MRPL39: variants seen among roughly 807,000 people sequenced by gnomAD.
MRPL39 encodes the protein mitochondrial ribosomal protein L39.
In MRPL39, 35 loss-of-function variants were observed where a neutral mutation model predicts 44.5. The observed-to-expected ratio is 0.79, with a 90% CI of 0.60 to 1.04. The LOEUF (loss-of-function observed/expected upper bound fraction) is 1.04. Ranked by LOEUF, MRPL39 falls within the 50% of genes least tolerant of loss-of-function variation. MRPL39 has a pLI of 0.00. For synonymous variants in MRPL39, 139 were observed against 136.1 expected, an observed-to-expected ratio of 1.02 and a Z score of -0.15; for missense variants, 433 against 413.5, an observed-to-expected ratio of 1.05 and a Z score of -0.41.
intron 6 of MRPL39, among the ~76,000 whole-genome samples, chr21:25,596,100 A>ATT (rs879512644): frequency 2.8e-5 from 4 of 144,754 alleles, no homozygotes; most frequent in Non-Finnish European, 3.1e-5. Flanking sequence ...ATGAGTAAAA[A>ATT]TTTTTTTTTT....
chr21:25,596,129 C>G (rs56026728), intron 6 of MRPL39, among the ~76,000 whole-genome samples: 11,493 of 150,870 alleles, frequency 0.076, 1,072 homozygotes, highest in African/African-American at 0.21. Context: ...GACGGAGTCT[C>G]GCTCTTTCGC....
chr21:25,607,518 C>G (rs753499545), upstream of MRPL39: 1 of 1,597,432 alleles, frequency 6.3e-7, no homozygotes, highest in South Asian at 1.1e-5. Flanking sequence ...TCTCCGCCCT[C>G]CTCCCCCGGA....
intron 8 of MRPL39, among the ~76,000 whole-genome samples, chr21:25,592,087 C>T (rs1226944589): frequency 6.6e-6 from 1 of 152,080 alleles, no homozygotes; most frequent in African/African-American, 2.4e-5. Context: ...CCGTTTGATC[C>T]CATTCATACA....
Position 25,606,494 on chromosome 21 carries a change from A to C in MRPL39, c.235T>G (p.Phe79Val), listed in dbSNP as rs146812610. The C allele has an allele frequency of 5.6e-4, 898 of 1,613,342 alleles. No individual in the cohort carries two copies. Among genetic ancestry groups the C allele is most frequent in the Non-Finnish European group, 6.3e-4 (748 of 1,179,744 alleles). The change falls in exon 2 of 10, where the codon TTC becomes GTC. Residue 79 changes from phenylalanine to valine, a missense_variant. Transcript: ENST00000352957. ...GTTGAAATGTTTTTATTCATCACGA[A>C]GACAGTACCGGGGTCAGTTTTCCCA... ...HVGKTDPGTV[F>V]VMNKNISTPY...
intron 9 of MRPL39, among the ~76,000 whole-genome samples, chr21:25,586,948 G>C (rs1013913091): frequency 6.6e-6 from 1 of 152,062 alleles, no homozygotes; most frequent in Non-Finnish European, 1.5e-5. Context: ...AGTAAATTTT[G>C]TGCATTTTTT....
At chr21:25,596,956 AGT>A (rs1042122303) in intron 6 of MRPL39, among the ~76,000 whole-genome samples, 15 of 152,190 alleles carry the variant, frequency 9.9e-5, no homozygotes, top group African/African-American at 3.6e-4. Context: ...TGTCATTTTA[AGT>A]GTGGAGGGGT....
chr21:25,603,661 T>TA, intron 3 of MRPL39, 135 bp downstream of exon 3: 2 of 928,122 alleles, frequency 2.2e-6, no homozygotes, highest in Non-Finnish European at 3.1e-6. Flanking sequence ...ATCTAACAGG[T>TA]AAAACATTGA....
intron 6 of MRPL39, among the ~76,000 whole-genome samples, chr21:25,594,688 C>T (rs979959560): frequency 6.6e-6 from 1 of 152,066 alleles, no homozygotes; most frequent in Non-Finnish European, 1.5e-5. Flanking sequence ...CTAGGTCAGC[C>T]CCTTGAGCTA....
At chr21:25,604,087 TAAA>T in intron 2 of MRPL39, 152 bp from the exon 3 acceptor site, 1 of 579,854 alleles carries the variant, frequency 1.7e-6, no homozygotes, top group East Asian at 3.9e-5. Flanking sequence ...TATAATCAAT[TAAA>T]AAAAAAAACC....
In MRPL39 at chr21:25,592,968, G is replaced by C; in HGVS notation, c.768-3C>G. 6.3e-7 allele frequency: 1 copy of C among 1,578,360 alleles called. No individual in the cohort carries two copies. Among genetic ancestry groups the C allele is most frequent in the Non-Finnish European group, 8.6e-7 (1 of 1,166,424 alleles). On this transcript the variant is annotated splice_polypyrimidine_tract_variant and splice_region_variant and intron_variant, in intron 7 of 9. Coordinates refer to ENST00000352957, the MANE Select transcript of MRPL39 (RefSeq NM_017446.4). ...TCACATCAATGAAGTCACCTATTCT[G>C]ATTGATTTAAAAATAAATAAACAAA...
intron 2 of MRPL39, among the ~76,000 whole-genome samples, chr21:25,605,730 CCTCT>C (rs1297532861): frequency 6.6e-6 from 1 of 152,048 alleles, no homozygotes; most frequent in Non-Finnish European, 1.5e-5. Flanking sequence ...CCACAGCCAC[CCTCT>C]CTCTCAAAAA....
upstream of MRPL39, among the ~76,000 whole-genome samples, chr21:25,607,725 G>A (rs948401666): frequency 1.5e-4 from 23 of 152,194 alleles, no homozygotes; most frequent in African/African-American, 5.1e-4. Context: ...CCCCCAGGGC[G>A]GTCGGCCTGC....
At chr21:25,592,351 G>A (rs1170423955) in intron 8 of MRPL39, among the ~76,000 whole-genome samples, 1 of 152,128 alleles carries the variant, frequency 6.6e-6, no homozygotes, top group African/African-American at 2.4e-5. Context: ...AAGGTACATG[G>A]GATCTCTCTA....
chr21:25,585,695 T>C lies in MRPL39; in HGVS notation c.*12A>G. On this transcript the variant is annotated 3_prime_UTR_variant, in exon 10 of 10. Coordinates refer to ENST00000352957, the MANE Select transcript of MRPL39 (RefSeq NM_017446.4). ...TTTATTTTATTATACATATTTAAAT[T>C]TTAGAAAGTTATTAGGTAGATGTAC... 6.9e-7 allele frequency: 1 copy of C among 1,441,590 alleles called. No homozygotes were observed. The highest frequency in any genetic ancestry group is 9.5e-7 in the Non-Finnish European group (1 of 1,048,750). 89.3% of individuals were successfully genotyped at this position (1,441,590 alleles called of 1,614,324 possible).
intron 6 of MRPL39, among the ~76,000 whole-genome samples, chr21:25,594,232 A>G (rs954060293): frequency 1.6e-5 from 2 of 122,134 alleles, no homozygotes; most frequent in Non-Finnish European, 3.4e-5. Context: ...CTTTCTTTCC[A>G]TTTTTATTTC....
In MRPL39 at chr21:25,604,052, T is replaced by C. The variant is rs1423994472; in HGVS notation, c.281-117A>G. On this transcript the variant is annotated intron_variant, in intron 2 of 9. Transcript: ENST00000352957. ...GGCAAGATTCTGCAGACTGTCCTTTTTAGAGAAAAAAAGTATATTACGTCT... is the reference window on the plus strand; with the variant it reads ...GGCAAGATTCTGCAGACTGTCCTTTCTAGAGAAAAAAAGTATATTACGTCT... The C allele has an allele frequency of 3.0e-6, 3 of 991,212 alleles. No individual in the cohort carries two copies. The African/African-American group carries it at 5.2e-5, about 17-fold the overall frequency. The allele number at this position is 991,212 out of a possible 1,614,324, so 61.4% of individuals were successfully genotyped here.
intron 7 of MRPL39, 98 bp from the exon 8 acceptor site, chr21:25,593,063 C>A: frequency 1.8e-6 from 2 of 1,084,072 alleles, no homozygotes; most frequent in South Asian, 1.7e-5. Context: ...GCTAACATCC[C>A]TAATCAAGAA....
intron 4 of MRPL39, 95 bp from the exon 5 acceptor site, chr21:25,599,961 T>A: frequency 1.1e-6 from 1 of 897,680 alleles, no homozygotes; most frequent in Non-Finnish European, 1.8e-6. Context: ...ATAAAAAGGA[T>A]TAGCACTCTC....
intron 3 of MRPL39, among the ~76,000 whole-genome samples, chr21:25,602,496 C>T (rs2031550923): frequency 6.6e-6 from 1 of 152,194 alleles, no homozygotes; most frequent in Non-Finnish European, 1.5e-5. Context: ...TTGGCTATTA[C>T]TGTCATTTCT....
Sources: allele counts gnomAD v4.1 joint callset (sites outside exome capture counted in the v4.1 genomes callset), GRCh38; gene constraint gnomAD v4.1.1; transcripts MANE v1.5; gene names NCBI Gene and HGNC (gene_info 2026-07-23, HGNC 2026-07-21).